Variants in COX16 observed in about 807,000 individuals in gnomAD.
COX16 encodes cytochrome c oxidase assembly factor COX16, also known as cytochrome c oxidase assembly protein COX16 homolog, mitochondrial.
Under a neutral mutation model 15.4 loss-of-function variants are expected in COX16, and 12 were observed. That is an observed-to-expected ratio of 0.78 (90% confidence interval 0.50 to 1.26). The LOEUF is 1.26. Among genes scored for constraint, COX16 ranks in the 50% most tolerant of loss-of-function variants. The probability of loss-of-function intolerance (pLI) is 0.00; values close to 1 mark genes in which losing one functional copy is unlikely to be tolerated. For synonymous variants in COX16, 46 were observed against 41.1 expected (o/e 1.12, Z -0.46); for missense variants, 124 against 127.6 (o/e 0.97, Z 0.14).
At chr14:70,328,072 A>ATGTTTTTTTTTTT (rs1886142750) in intron 3 of COX16, 1 of 80,840 alleles carries the variant, frequency 1.2e-5, no homozygotes, top group Non-Finnish European at 2.2e-5. Context: ...TGAGAATAAG[A>ATGTTTTTTTTTTT]TTTTTTTTTT....
At chr14:70,353,730 G>T (rs1291556986) in intron 1 of COX16, among the ~76,000 whole-genome samples, 1 of 151,984 alleles carries the variant, frequency 6.6e-6, no homozygotes, top group East Asian at 1.9e-4. Flanking sequence ...GGCCAGGATG[G>T]TCTCAAACTC....
At chr14:70,329,721 C>CAAAAA (rs199721497) in intron 2 of COX16, among the ~76,000 whole-genome samples, 3 of 117,966 alleles carry the variant, frequency 2.5e-5, no homozygotes, top group Non-Finnish European at 5.2e-5. Context: ...AGATATCTAC[C>CAAAAA]AAAAAAAAAA....
intron 1 of COX16, among the ~76,000 whole-genome samples, chr14:70,353,892 T>C (rs1594927861): frequency 6.6e-6 from 1 of 152,150 alleles, no homozygotes; most frequent in East Asian, 1.9e-4. Flanking sequence ...CATAAATGTT[T>C]ATAATTTTGA....
intron 1 of COX16, among the ~76,000 whole-genome samples, chr14:70,345,091 C>G (rs541998447): frequency 6.6e-6 from 1 of 152,282 alleles, no homozygotes; most frequent in Admixed American, 6.5e-5. Flanking sequence ...GTGAACCTAC[C>G]CCTCCACCCC....
intron 3 of COX16, among the ~76,000 whole-genome samples, chr14:70,328,004 AC>A (rs1473231703): frequency 2.7e-5 from 4 of 150,574 alleles, no homozygotes; most frequent in Non-Finnish European, 4.4e-5. Flanking sequence ...TTTTGTTGCT[AC>A]CCTGACATCC....
chr14:70,340,294 G>C (rs1266760998), intron 2 of COX16, among the ~76,000 whole-genome samples: 1 of 152,140 alleles, frequency 6.6e-6, no homozygotes, highest in East Asian at 1.9e-4. Flanking sequence ...CTTCTGCCAT[G>C]ACTAAGTTTC....
rs1240272186 is a variant in COX16 at position 70,345,920 on chromosome 14, T to C, written c.70-3191A>G. Among the ~76,000 whole-genome samples, 5 of 151,998 alleles carry C rather than the reference T, an allele frequency of 3.3e-5. No individual in the cohort carries two copies. In the East Asian group the frequency reaches 9.7e-4, roughly 29 times the overall value. ...CCCCCCAAGCCTCCTCGTTGTCTTCTCAGCTGCCATCTTCCCAGCTGCCAT... is the reference window on the plus strand; with the variant it reads ...CCCCCCAAGCCTCCTCGTTGTCTTCCCAGCTGCCATCTTCCCAGCTGCCAT... On this transcript the variant is annotated intron_variant, in intron 1 of 3. Transcript: ENST00000389912.
chr14:70,349,901 A>G (rs1244215562), intron 1 of COX16, among the ~76,000 whole-genome samples: 1 of 152,286 alleles, frequency 6.6e-6, no homozygotes, highest in East Asian at 1.9e-4. Context: ...TCTTGCAGGC[A>G]CAGATGTGTT....
intron 3 of COX16, chr14:70,328,234 CA>C (rs1886155462): frequency 8.1e-6 from 1 of 123,872 alleles, no homozygotes; most frequent in Admixed American, 8.5e-5. Context: ...TGAGTCCCAA[CA>C]AGGGAGAAGG....
At chr14:70,337,276 AC>A (rs1886484888) in intron 2 of COX16, among the ~76,000 whole-genome samples, 1 of 152,112 alleles carries the variant, frequency 6.6e-6, no homozygotes. Flanking sequence ...TTATTTATAA[AC>A]AACTATAGAG....
At chr14:70,359,487 C>A (rs370540684) in intron 1 of COX16, 32 bp downstream of exon 1, 1 of 1,585,728 alleles carries the variant, frequency 6.3e-7, no homozygotes, top group South Asian at 1.1e-5. Context: ...AGGGTCCCAC[C>A]CCTTGCGGAA....
intron 3 of COX16, among the ~76,000 whole-genome samples, chr14:70,327,764 C>G (rs959216224): frequency 1.2e-4 from 18 of 151,990 alleles, no homozygotes; most frequent in Non-Finnish European, 2.6e-4. Flanking sequence ...AGTAGTCTAG[C>G]CTTTACAGAT....
At position 70,347,469 on chromosome 14, in the gene COX16, C is replaced by T. The variant is rs745812942; in HGVS notation, c.70-4740G>A. Reference sequence around the variant, plus strand: ...TACATGGGAAAACCCCGACACCCACCTTTCACATCAGCTCACCTGGTGCGT... The same window carrying T: ...TACATGGGAAAACCCCGACACCCACTTTTCACATCAGCTCACCTGGTGCGT... On this transcript the variant is annotated intron_variant, in intron 1 of 3. Coordinates refer to ENST00000389912, the MANE Select transcript of COX16 (RefSeq NM_016468.7). Among the ~76,000 whole-genome samples, 11 of 152,190 alleles carry T rather than the reference C, an allele frequency of 7.2e-5. 1 individual carries two copies. Among genetic ancestry groups the T allele is most frequent in the Non-Finnish European group, 1.5e-4 (10 of 68,030 alleles).
Position 70,325,152 on chromosome 14 carries a change from G to A in COX16, c.*1181C>T, listed in dbSNP as rs1301646760. On this transcript the variant is annotated 3_prime_UTR_variant, in exon 4 of 4. Coordinates refer to ENST00000389912, the MANE Select transcript of COX16 (RefSeq NM_016468.7). Reference sequence around the variant, plus strand: ...CAAATTTTGACTAGGAGGAGAAAGGGGGAGTGGATTTATGATTTTATGGCA... The same window carrying A: ...CAAATTTTGACTAGGAGGAGAAAGGAGGAGTGGATTTATGATTTTATGGCA... 1 of 152,162 alleles carries A rather than the reference G, an allele frequency of 6.6e-6. No individual in the cohort carries two copies. The highest frequency in any genetic ancestry group is 1.5e-5 in the Non-Finnish European group (1 of 68,048). The allele number at this position is 152,162 out of a possible 1,614,324, so 9.4% of individuals were successfully genotyped here.
chr14:70,335,679 T>A (rs1886431206), intron 2 of COX16, among the ~76,000 whole-genome samples: 1 of 152,074 alleles, frequency 6.6e-6, no homozygotes, highest in African/African-American at 2.4e-5. Flanking sequence ...ATAGCTATGT[T>A]CATTTGTTTA....
chr14:70,328,062 T>C (rs1163992766), intron 3 of COX16: 10 of 146,216 alleles, frequency 6.8e-5, no homozygotes, highest in Non-Finnish European at 1.3e-4. Flanking sequence ...AAATTATGCC[T>C]GAGAATAAGA....
chr14:70,352,607 TCATA>T, intron 1 of COX16, among the ~76,000 whole-genome samples: 1 of 149,436 alleles, frequency 6.7e-6, no homozygotes, highest in East Asian at 1.9e-4. Context: ...CACTACTCAC[TCATA>T]CATTTTCTAA....
At chr14:70,342,044 A>C (rs1886639823) in intron 2 of COX16, among the ~76,000 whole-genome samples, 1 of 152,224 alleles carries the variant, frequency 6.6e-6, no homozygotes, top group Non-Finnish European at 1.5e-5. Context: ...ATAAAGCAAA[A>C]TTATTGACCT....
chr14:70,347,309 T>C (rs1886813501), intron 1 of COX16, among the ~76,000 whole-genome samples: 1 of 152,212 alleles, frequency 6.6e-6, no homozygotes, highest in African/African-American at 2.4e-5. Flanking sequence ...ACTCCCAGTA[T>C]GTCCAGTAGT....
Sources: gnomAD v4.1 joint callset for allele counts (sites outside exome capture counted in the v4.1 genomes callset) on GRCh38, gnomAD v4.1.1 for gene constraint, MANE v1.5 for transcripts, NCBI Gene and HGNC (gene_info 2026-07-23, HGNC 2026-07-21) for gene names.